SLC25A35: variants seen among roughly 807,000 people sequenced by gnomAD.
SLC25A35 encodes the protein solute carrier family 25, member 35.
Under a neutral mutation model 30.5 loss-of-function variants are expected in SLC25A35, and 32 were observed. The ratio of observed to expected loss-of-function variants is 1.05; its 90% CI spans 0.79 to 1.41. The LOEUF (loss-of-function observed/expected upper bound fraction) is 1.41, where lower values mean the gene tolerates loss of function less well. Among genes scored for constraint, SLC25A35 ranks in the 40% most tolerant of loss-of-function variants. The pLI, the probability that SLC25A35 is intolerant of heterozygous loss-of-function variation, is 0.00. For synonymous variants in SLC25A35, 142 were observed against 158.1 expected, an observed-to-expected ratio of 0.90 and a Z score of 0.77; for missense variants, 369 against 388.0, an observed-to-expected ratio of 0.95 and a Z score of 0.41.
Position 8,290,309 on chromosome 17 carries a change from G to T in SLC25A35, c.*196C>A. 7.0e-7 allele frequency: 1 copy of T among 1,430,108 alleles called. No homozygotes were observed. The highest frequency in any genetic ancestry group is 9.1e-7 in the Non-Finnish European group (1 of 1,097,648). The allele number at this position is 1,430,108 out of a possible 1,614,324, so 88.6% of individuals were successfully genotyped here. On this transcript the variant is annotated 3_prime_UTR_variant, in exon 5 of 5. Transcript: ENST00000577745. ...AGTTACCCAGGGAATGGGTAGGGAA[G>T]GTTTAAAGCAACACCCAAGGAAAGA...
chr17:8,292,395 G>A, intron 2 of SLC25A35, 128 bp downstream of exon 2: 2 of 909,442 alleles, frequency 2.2e-6, no homozygotes, highest in Non-Finnish European at 3.6e-6. Context: ...GACTCCAGGG[G>A]CAAAATGGGA....
In SLC25A35 at chr17:8,295,373, GA is replaced by G; in HGVS notation, c.-567del. The G allele has an allele frequency of 2.3e-5, 23 of 985,690 alleles. No individual in the cohort carries two copies. The highest frequency in any genetic ancestry group is 2.8e-5 in the Non-Finnish European group (23 of 830,114). The allele number at this position is 985,690 out of a possible 1,614,324, so 61.1% of individuals were successfully genotyped here. On this transcript the variant is annotated 5_prime_UTR_variant, in exon 1 of 5. Coordinates refer to ENST00000577745, the MANE Select transcript of SLC25A35 (RefSeq NM_001320870.2). Reference sequence around the variant, plus strand: ...TAGCTTCAACCCCGGGTAGCCTGCGGAGGCCGGGCCGCCACACTCCTGCCAC... The same window carrying G: ...TAGCTTCAACCCCGGGTAGCCTGCGGGGCCGGGCCGCCACACTCCTGCCAC...
chr17:8,290,742 C>T, intron 4 of SLC25A35, 64 bp from the exon 5 acceptor site: 5 of 1,602,216 alleles, frequency 3.1e-6, no homozygotes, highest in Non-Finnish European at 2.6e-6. Context: ...CCACCAGGGG[C>T]AGCACCTCTA....
At chr17:8,294,402 T>C in intron 1 of SLC25A35, 31 bp downstream of exon 1, 1 of 1,530,596 alleles carries the variant, frequency 6.5e-7, no homozygotes, top group South Asian at 1.3e-5. Flanking sequence ...GGATCTGCCC[T>C]GAAGGTCCCA....
intron 1 of SLC25A35, among the ~76,000 whole-genome samples, chr17:8,293,915 CTTT>C (rs3033784): frequency 0.016 from 2,080 of 132,260 alleles, 19 homozygotes; most frequent in Middle Eastern, 0.025. Context: ...AGCCCATAAT[CTTT>C]TTTTTTTTTT....
chr17:8,289,375 C>G (rs149089464), downstream of SLC25A35: 52 of 1,614,076 alleles, frequency 3.2e-5, no homozygotes, highest in African/African-American at 6.0e-4. Flanking sequence ...AAGCCTGGGT[C>G]CTCTCTGGCA....
Position 8,290,375 on chromosome 17 carries a change from G to C in SLC25A35, c.*130C>G. ...TTGTAGTGATTCAACCCTGAGAACAGATGGGGAGTGGGGTTGGCTGTCCCC... is the reference window on the plus strand; with the variant it reads ...TTGTAGTGATTCAACCCTGAGAACACATGGGGAGTGGGGTTGGCTGTCCCC... On this transcript the variant is annotated 3_prime_UTR_variant, in exon 5 of 5. Transcript: ENST00000577745. The C allele has an allele frequency of 6.9e-7, 1 of 1,456,176 alleles. No homozygotes were observed. Among genetic ancestry groups the C allele is most frequent in the South Asian group, 1.4e-5 (1 of 70,676 alleles). 90.2% of individuals were successfully genotyped at this position (1,456,176 alleles called of 1,614,324 possible).
At chr17:8,294,258 A>G (rs1473406836) in intron 1 of SLC25A35, among the ~76,000 whole-genome samples, 175 bp downstream of exon 1, 1 of 152,190 alleles carries the variant, frequency 6.6e-6, no homozygotes. Context: ...CGTGTCCATC[A>G]GATGGGTGTG....
At chr17:8,292,674 C>G (rs1990595427) in intron 1 of SLC25A35, 86 bp from the exon 2 acceptor site, 1 of 1,156,358 alleles carries the variant, frequency 8.6e-7, no homozygotes, top group Non-Finnish European at 1.3e-6. Context: ...CACACTTCCT[C>G]TAGGGTGTTC....
chr17:8,289,888 G>A (rs201385595), downstream of SLC25A35: 11 of 1,614,126 alleles, frequency 6.8e-6, no homozygotes, highest in East Asian at 1.8e-4. Flanking sequence ...TTGAACAGCT[G>A]GTGACCAGTC....
chr17:8,294,374 G>A (rs183943395), intron 1 of SLC25A35, 59 bp downstream of exon 1: 4 of 1,494,636 alleles, frequency 2.7e-6, no homozygotes, highest in African/African-American at 2.8e-5. Context: ...GGAAAGAACA[G>A]CTCCTATCCT....
chr17:8,293,843 GC>G (rs1278484381), intron 1 of SLC25A35, among the ~76,000 whole-genome samples: 2 of 145,876 alleles, frequency 1.4e-5, no homozygotes, highest in Non-Finnish European at 3.0e-5. Flanking sequence ...GAGCCACCGC[GC>G]CCGGCCAACA....
At chr17:8,291,085 AC>A in intron 3 of SLC25A35, 109 bp from the exon 4 acceptor site, 1 of 1,457,394 alleles carries the variant, frequency 6.9e-7, no homozygotes, top group Non-Finnish European at 9.4e-7. Context: ...GGGAGCTTCC[AC>A]TGCACCAGTT....
At chr17:8,289,774 T>A (rs369313473), downstream of SLC25A35, 28 of 1,613,558 alleles carry the variant, frequency 1.7e-5, no homozygotes, top group African/African-American at 3.6e-4. Flanking sequence ...ACCTCAGGCC[T>A]GGATGATGTT....
chr17:8,289,056 G>A (rs780167893), downstream of SLC25A35: 1 of 1,613,802 alleles, frequency 6.2e-7, no homozygotes, highest in Non-Finnish European at 8.5e-7. Context: ...CCACGTACGG[G>A]GCGAAGCGGC....
chr17:8,292,076 A>G (rs1350171263), intron 2 of SLC25A35, among the ~76,000 whole-genome samples: 3 of 152,170 alleles, frequency 2.0e-5, no homozygotes, highest in Non-Finnish European at 4.4e-5. Context: ...CAGCTACTCA[A>G]GAGGTTGCAG....
rs572300626 is a variant in SLC25A35, at chr17:8,294,065, A to G, written c.375+368T>C. ...CGAGTAGCTGGGACTACAGGCGCCCACCACCGCACCCGGCTAATTTTTTGT... is the reference window on the plus strand; with the variant it reads ...CGAGTAGCTGGGACTACAGGCGCCCGCCACCGCACCCGGCTAATTTTTTGT... On this transcript the variant is annotated intron_variant, in intron 1 of 4. Transcript: ENST00000577745. 7.1e-4 allele frequency among the ~76,000 whole-genome samples: 105 copies of G among 148,156 alleles called. 1 individual carries two copies. In the East Asian group the frequency reaches 0.014, roughly 20 times the overall value.
Position 8,290,199 on chromosome 17 carries a change from G to A in SLC25A35, c.*306C>T, listed in dbSNP as rs997403211. ...GGGAGGAGTTTAAAACTGTGCATGG[G>A]AGCAGGAGGGACTCAAGGGTGGCAG... On this transcript the variant is annotated 3_prime_UTR_variant, in exon 5 of 5. Coordinates refer to ENST00000577745, the MANE Select transcript of SLC25A35 (RefSeq NM_001320870.2). 30 of 1,428,478 alleles carry A rather than the reference G, an allele frequency of 2.1e-5. No individual in the cohort carries two copies. In the East Asian group the frequency reaches 6.8e-4, roughly 32 times the overall value. The allele number at this position is 1,428,478 out of a possible 1,614,324, so 88.5% of individuals were successfully genotyped here.
chr17:8,288,785 A>G (rs746753472), downstream of SLC25A35: 5 of 1,613,950 alleles, frequency 3.1e-6, no homozygotes, highest in Middle Eastern at 1.7e-4. Flanking sequence ...CCAGCCTCAG[A>G]CCCATGGAGC....
Sources: gnomAD v4.1 joint callset for allele counts (sites outside exome capture counted in the v4.1 genomes callset) on GRCh38, gnomAD v4.1.1 for gene constraint, MANE v1.5 for transcripts, NCBI Gene and HGNC (gene_info 2026-07-23, HGNC 2026-07-21) for gene names.